Variants in LUZP2 observed in about 807,000 individuals in gnomAD.
The protein encoded by LUZP2 is leucine zipper protein 2.
Under a neutral mutation model 51.6 loss-of-function variants are expected in LUZP2, and 52 were observed. The ratio of observed to expected loss-of-function variants is 1.01; its 90% CI spans 0.81 to 1.27. The LOEUF (loss-of-function observed/expected upper bound fraction) is 1.27, where lower values mean the gene tolerates loss of function less well. LUZP2 is among the 50% of genes most tolerant of loss of function. LUZP2 has a pLI of 0.00. For synonymous variants in LUZP2, 154 were observed against 137.3 expected (o/e 1.12, Z -0.85); for missense variants, 436 against 395.4 (o/e 1.10, Z -0.87).
chr11:25,077,145 C>T (rs2166413), intron 10 of LUZP2, among the ~76,000 whole-genome samples, 184 bp from the exon 11 acceptor site: 48,651 of 152,074 alleles, frequency 0.32, 9,362 homozygotes, highest in East Asian at 0.79. Context: ...GTCAGGAATG[C>T]TTGCTCTCTC....
At chr11:25,024,396 C>A (rs192403700) in intron 9 of LUZP2, among the ~76,000 whole-genome samples, 1 of 151,504 alleles carries the variant, frequency 6.6e-6, no homozygotes, top group Non-Finnish European at 1.5e-5. Context: ...ATTTAGAAAA[C>A]CCCATCGTCT....
chr11:24,782,525 A>G (rs1195485881), intron 5 of LUZP2, among the ~76,000 whole-genome samples: 3 of 152,054 alleles, frequency 2.0e-5, no homozygotes, highest in Non-Finnish European at 4.4e-5. Context: ...TGAAAAAAAA[A>G]TTCAGATTGG....
chr11:24,637,749 C>G (rs1483910168), intron 1 of LUZP2, among the ~76,000 whole-genome samples: 3 of 151,838 alleles, frequency 2.0e-5, no homozygotes, highest in Non-Finnish European at 4.4e-5. Context: ...CAGACCGGTT[C>G]TGTGCTCTTG....
At chr11:24,883,189 T>C (rs1852544547) in intron 5 of LUZP2, among the ~76,000 whole-genome samples, 1 of 151,920 alleles carries the variant, frequency 6.6e-6, no homozygotes, top group Admixed American at 6.6e-5. Flanking sequence ...TTTTTTAAAG[T>C]AAATTTTTTA....
chr11:24,784,844 A>G (rs1187739340), intron 5 of LUZP2, among the ~76,000 whole-genome samples: 1 of 152,134 alleles, frequency 6.6e-6, no homozygotes, highest in Admixed American at 6.6e-5. Context: ...ATGATTAGAC[A>G]TATAATGTGT....
chr11:25,038,500 A>C (rs569445185), intron 9 of LUZP2, among the ~76,000 whole-genome samples: 1 of 152,322 alleles, frequency 6.6e-6, no homozygotes, highest in South Asian at 2.1e-4. Context: ...CAAGAAGCTC[A>C]GTTTGGGTCT....
At chr11:24,539,154 T>C (rs1287223040) in intron 1 of LUZP2, among the ~76,000 whole-genome samples, 1 of 151,880 alleles carries the variant, frequency 6.6e-6, no homozygotes, top group Non-Finnish European at 1.5e-5. Flanking sequence ...TTTTGTATAA[T>C]TTTAAAACAT....
chr11:24,627,374 G>A (rs1208380865), intron 1 of LUZP2, among the ~76,000 whole-genome samples: 10 of 152,172 alleles, frequency 6.6e-5, no homozygotes, highest in Non-Finnish European at 1.2e-4. Context: ...AGAAATGTCA[G>A]TGCTCATTCA....
In LUZP2 at chr11:24,528,471, G is replaced by C. The variant is rs535802565; in HGVS notation, c.62+31166G>C. On this transcript the variant is annotated intron_variant, in intron 1 of 11. Transcript: ENST00000336930. ...CTGATGGCACATACTTTTTAAAATG[G>C]TGATTCTCACCAGGAGAAGCATCTC... is the stretch of plus-strand genomic sequence containing the variant. Among the ~76,000 whole-genome samples the C allele has an allele frequency of 1.1e-3, 163 of 151,290 alleles. 1 individual carries two copies. Among genetic ancestry groups the C allele is most frequent in the Middle Eastern group, 3.4e-3 (1 of 294 alleles).
At chr11:24,866,424 G>A (rs752492568) in intron 5 of LUZP2, among the ~76,000 whole-genome samples, 6 of 152,092 alleles carry the variant, frequency 3.9e-5, no homozygotes, top group Non-Finnish European at 7.4e-5. Flanking sequence ...ATGACAACCA[G>A]CCTGCAATAA....
At chr11:24,842,731 G>A (rs1306789518) in intron 5 of LUZP2, among the ~76,000 whole-genome samples, 1 of 151,794 alleles carries the variant, frequency 6.6e-6, no homozygotes, top group Non-Finnish European at 1.5e-5. Context: ...TAACTATAAT[G>A]AAAATACTGC....
chr11:24,717,409 G>GTTTTT (rs869281553), intron 1 of LUZP2, among the ~76,000 whole-genome samples: 1 of 134,652 alleles, frequency 7.4e-6, no homozygotes, highest in Non-Finnish European at 1.6e-5. Flanking sequence ...GAACCCAATA[G>GTTTTT]TTTTTTTTTT....
chr11:24,569,314 A>G (rs1852348777), intron 1 of LUZP2, among the ~76,000 whole-genome samples: 1 of 152,112 alleles, frequency 6.6e-6, no homozygotes, highest in African/African-American at 2.4e-5. Context: ...CAGGAACTCA[A>G]AATAAAAATG....
At chr11:24,787,055 C>G (rs1000252483) in intron 5 of LUZP2, among the ~76,000 whole-genome samples, 1 of 152,136 alleles carries the variant, frequency 6.6e-6, no homozygotes, top group Non-Finnish European at 1.5e-5. Context: ...AGTCAAGTGA[C>G]AAAATCTCTG....
chr11:24,666,182 T>G (rs939407749), intron 1 of LUZP2, among the ~76,000 whole-genome samples: 6 of 152,086 alleles, frequency 3.9e-5, no homozygotes, highest in Admixed American at 3.9e-4. Context: ...GAAGCTGAAC[T>G]CAGGAGCTGG....
rs184529916 is a variant in LUZP2, at chr11:24,797,865, A to T, written c.396+34557A>T. Among the ~76,000 whole-genome samples the T allele has an allele frequency of 3.7e-4, 56 of 152,312 alleles. No individual in the cohort carries two copies. The East Asian group carries it at 9.9e-3, about 27-fold the overall frequency. On this transcript the variant is annotated intron_variant, in intron 5 of 11. Transcript: ENST00000336930. ...TATGGACAAAAGTTGAGTACACTTT[A>T]CCAAGTTGCAATGTTTTCCTCATTT...
intron 9 of LUZP2, among the ~76,000 whole-genome samples, chr11:25,018,908 TTATCTTC>T (rs1565235923): frequency 6.6e-6 from 1 of 152,096 alleles, no homozygotes; most frequent in Admixed American, 6.6e-5. Flanking sequence ...AAGTCCAGCC[TTATCTTC>T]CCTTTAAATG....
intron 7 of LUZP2, among the ~76,000 whole-genome samples, chr11:24,967,093 T>C (rs1292404053): frequency 6.6e-6 from 1 of 151,770 alleles, no homozygotes; most frequent in Middle Eastern, 3.2e-3. Context: ...TCTATGCTTA[T>C]GCCAACAACA....
rs75616153 is a variant in LUZP2 at position 24,877,953 on chromosome 11, G to A, written c.397-28038G>A. Among the ~76,000 whole-genome samples the A allele has an allele frequency of 8.7e-4, 132 of 152,138 alleles. 4 individuals carry two copies. The East Asian group carries it at 0.023, about 27-fold the overall frequency. ...ATAACAGGATCTCATATTTTTTACG[G>A]CTAAACAGTACTCCATTGTGTATAT... On this transcript the variant is annotated intron_variant, in intron 5 of 11. Coordinates refer to ENST00000336930, the MANE Select transcript of LUZP2 (RefSeq NM_001009909.4).
Sources: allele counts gnomAD v4.1 joint callset (sites outside exome capture counted in the v4.1 genomes callset), GRCh38; gene constraint gnomAD v4.1.1; transcripts MANE v1.5; gene names NCBI Gene and HGNC (gene_info 2026-07-23, HGNC 2026-07-21).